Variants in DOT1L observed in about 807,000 individuals in gnomAD.
The protein encoded by DOT1L is DOT1 like histone lysine methyltransferase, also known as histone-lysine N-methyltransferase, H3 lysine-79 specific.
Under a neutral mutation model 153.3 loss-of-function variants are expected in DOT1L, and 33 were observed. The observed-to-expected ratio is 0.22, with a 90% CI of 0.16 to 0.29. The LOEUF (loss-of-function observed/expected upper bound fraction) is 0.29. Among genes scored for constraint, DOT1L ranks in the 10% least tolerant of loss-of-function variants. DOT1L has a pLI of 1.00. For synonymous variants in DOT1L, 1,135 were observed against 965.1 expected (o/e 1.18, Z -3.26); for missense variants, 1,847 against 2,119.9 (o/e 0.87, Z 2.53).
chr19:2,218,028 G>T (rs749502319), intron 22 of DOT1L, 110 bp downstream of exon 22: 2 of 1,446,670 alleles, frequency 1.4e-6, no homozygotes, highest in Non-Finnish European at 9.2e-7. Flanking sequence ...AATGTCGAGC[G>T]TGAGGCAATG....
At position 2,230,633 on chromosome 19, in the gene DOT1L, C is replaced by G. The variant is rs1420220371; in HGVS notation, c.*841C>G. On this transcript the variant is annotated 3_prime_UTR_variant, in exon 28 of 28. Transcript: ENST00000398665. ...TGTTTCTGTACAGGAGAGAGTCACA[C>G]TAATGAGTGGCAGTATTTTATAGAG... 5 of 398,484 alleles carry G rather than the reference C, an allele frequency of 1.3e-5. No individual in the cohort carries two copies. Among genetic ancestry groups the G allele is most frequent in the African/African-American group, 2.1e-5 (1 of 48,628 alleles). 24.7% of individuals were successfully genotyped at this position (398,484 alleles called of 1,614,324 possible).
At chr19:2,229,485 C>T in intron 27 of DOT1L, 1 of 985,484 alleles carries the variant, frequency 1.0e-6, no homozygotes, top group Non-Finnish European at 1.2e-6. Flanking sequence ...ACAAGCTATG[C>T]TGGGTCTCTT....
At chr19:2,187,888 C>G (rs995096144) in intron 3 of DOT1L, among the ~76,000 whole-genome samples, 1 of 149,260 alleles carries the variant, frequency 6.7e-6, no homozygotes, top group Non-Finnish European at 1.5e-5. Context: ...CGCCACCGCA[C>G]TCCAGCCTGG....
intron 12 of DOT1L, 35 bp downstream of exon 12, chr19:2,209,011 C>T: frequency 6.2e-7 from 1 of 1,605,196 alleles, no homozygotes; most frequent in Non-Finnish European, 8.5e-7. Context: ...GGGTTAATAA[C>T]ACGCATGCAC....
chr19:2,231,419 G>A lies in DOT1L; in HGVS notation c.*1627G>A, dbSNP rs1271077729. ...CCACGGAGGAAAGGCTTCTGTGGTT[G>A]CTAGGTGGGGGAGTCCTGTGTGGGA... On this transcript the variant is annotated 3_prime_UTR_variant, in exon 28 of 28. Transcript: ENST00000398665. 1 of 204,704 alleles carries A rather than the reference G, an allele frequency of 4.9e-6. No homozygotes were observed. The highest frequency in any genetic ancestry group is 7.4e-5 in the East Asian group (1 of 13,524). 12.7% of individuals were successfully genotyped at this position (204,704 alleles called of 1,614,324 possible).
At position 2,210,020 on chromosome 19, in the gene DOT1L, A is replaced by G. The variant is rs528563860; in HGVS notation, c.1006-380A>G. Reference sequence around the variant, plus strand: ...CATGTGTGGGCCTCGGTGCCTTTCGAAGAGAGGAGAGAGGGCAGGGGAGGC... The same window carrying G: ...CATGTGTGGGCCTCGGTGCCTTTCGGAGAGAGGAGAGAGGGCAGGGGAGGC... On this transcript the variant is annotated intron_variant, in intron 12 of 27. Transcript: ENST00000398665. 4.7e-3 allele frequency among the ~76,000 whole-genome samples: 703 copies of G among 149,964 alleles called. 7 individuals carry two copies. The highest frequency in any genetic ancestry group is 0.021 in the Middle Eastern group (6 of 292).
rs1014225291 is a variant in DOT1L, at chr19:2,222,862, G to A, written c.3390+303G>A. On this transcript the variant is annotated intron_variant, in intron 24 of 27. Transcript: ENST00000398665. The surrounding 1 kb of genome is among the most constrained non-coding windows in gnomAD (Gnocchi z 6.5). ...TCGGCCACTGCCTGGGCCACAGAGCGAGACTCCCTCTCGGGGGGACAAAAA... is the reference window on the plus strand; with the variant it reads ...TCGGCCACTGCCTGGGCCACAGAGCAAGACTCCCTCTCGGGGGGACAAAAA... 51 of 420,248 alleles carry A rather than the reference G, an allele frequency of 1.2e-4. No individual in the cohort carries two copies. Among genetic ancestry groups the A allele is most frequent in the Admixed American group, 6.5e-4 (16 of 24,576 alleles). The allele number at this position is 420,248 out of a possible 1,614,324, so 26.0% of individuals were successfully genotyped here. A position where few individuals can be genotyped will look rare whatever the true frequency, so the allele number is the denominator to read the frequency against.
intron 1 of DOT1L, among the ~76,000 whole-genome samples, chr19:2,166,631 G>A (rs542229568): frequency 2.6e-5 from 4 of 151,968 alleles, no homozygotes; most frequent in Non-Finnish European, 2.9e-5. Context: ...GGCTGGTCTC[G>A]AACTCCTAAC....
Position 2,229,963 on chromosome 19 carries a change from C to T in DOT1L, c.*171C>T, listed in dbSNP as rs1283353203. 5 of 998,194 alleles carry T rather than the reference C, an allele frequency of 5.0e-6. No individual in the cohort carries two copies. Among genetic ancestry groups the T allele is most frequent in the Non-Finnish European group, 6.0e-6 (4 of 666,648 alleles). The allele number at this position is 998,194 out of a possible 1,614,324, so 61.8% of individuals were successfully genotyped here. A position where few individuals can be genotyped will look rare whatever the true frequency, so the allele number is the denominator to read the frequency against. On this transcript the variant is annotated 3_prime_UTR_variant, in exon 28 of 28. Coordinates refer to ENST00000398665, the MANE Select transcript of DOT1L (RefSeq NM_032482.3). ...GCGCCGCAGGAGGCTGGGACTGGTCCAGTTTGTACTGTCGATAGTTTTAGA... is the reference window on the plus strand; with the variant it reads ...GCGCCGCAGGAGGCTGGGACTGGTCTAGTTTGTACTGTCGATAGTTTTAGA...
At chr19:2,211,253 G>C in intron 15 of DOT1L, 41 bp downstream of exon 15, 1 of 1,536,484 alleles carries the variant, frequency 6.5e-7, no homozygotes. Flanking sequence ...TTCTGGGCTT[G>C]GGGTCATCCC....
At position 2,216,635 on chromosome 19, in the gene DOT1L, C is replaced by T; in HGVS notation, c.2278C>T (p.Leu760=). 6.2e-7 allele frequency: 1 copy of T among 1,605,778 alleles called. No individual in the cohort carries two copies. The highest frequency in any genetic ancestry group is 8.5e-7 in the Non-Finnish European group (1 of 1,179,916). Residue 760 remains leucine (L), a synonymous_variant, in exon 20 of 28, where the codon CTG becomes TTG. Transcript: ENST00000398665. ...CCCTAGCCACGTCGGCCGGCCGCGC[C>T]TGGAGAAGCTGTCTGGCCTAGCCGC... ...CTPSHVGRPR[L]EKLSGLAAPD...
intron 1 of DOT1L, among the ~76,000 whole-genome samples, chr19:2,168,049 A>T (rs962754502): frequency 1.3e-5 from 2 of 152,174 alleles, no homozygotes; most frequent in Non-Finnish European, 2.9e-5. Context: ...CTGCAGCAGC[A>T]CATTTATTCA....
chr19:2,214,939 G>A (rs1252989572), intron 19 of DOT1L, among the ~76,000 whole-genome samples: 2 of 152,200 alleles, frequency 1.3e-5, no homozygotes, highest in African/African-American at 2.4e-5. Context: ...CAGCTGGATC[G>A]GTGCAGGGGC....
At chr19:2,173,335 G>A (rs114497906) in intron 1 of DOT1L, among the ~76,000 whole-genome samples, 184 of 152,284 alleles carry the variant, frequency 1.2e-3, no homozygotes, top group African/African-American at 3.9e-3. Flanking sequence ...TGGTCAGCGC[G>A]TCCAGCCTCC....
rs2024644974 is a variant in DOT1L at position 2,232,401 on chromosome 19, G to T, written c.*2609G>T. 4.5e-6 allele frequency: 1 copy of T among 220,330 alleles called. No homozygotes were observed. The highest frequency in any genetic ancestry group is 5.8e-5 in the Admixed American group (1 of 17,226). The allele number at this position is 220,330 out of a possible 1,614,324, so 13.6% of individuals were successfully genotyped here. ...CCCCTCCCAACACAACACGCTGCTG[G>T]TCTGTGTCAGCCTTTGTAACGTGGG... On this transcript the variant is annotated 3_prime_UTR_variant, in exon 28 of 28. Coordinates refer to ENST00000398665, the MANE Select transcript of DOT1L (RefSeq NM_032482.3).
intron 8 of DOT1L, 34 bp downstream of exon 8, chr19:2,199,973 G>T (rs1335140419): frequency 1.2e-6 from 2 of 1,610,024 alleles, no homozygotes; most frequent in Non-Finnish European, 1.7e-6. Flanking sequence ...GGGCATGTGG[G>T]GTGTGCGCTC....
At chr19:2,173,495 C>T (rs777543969) in intron 1 of DOT1L, among the ~76,000 whole-genome samples, 41 of 152,180 alleles carry the variant, frequency 2.7e-4, no homozygotes, top group Non-Finnish European at 4.7e-4. Context: ...AGGGCGTCCT[C>T]GGGGAGCAGG....
At chr19:2,173,071 A>G (rs567636002) in intron 1 of DOT1L, among the ~76,000 whole-genome samples, 2 of 152,160 alleles carry the variant, frequency 1.3e-5, no homozygotes, top group East Asian at 3.9e-4. Flanking sequence ...GTCTAATTCC[A>G]GAACGTTCTA....
intron 27 of DOT1L, chr19:2,228,027 A>T (rs868080309): frequency 7.7e-7 from 1 of 1,293,310 alleles, no homozygotes; most frequent in Middle Eastern, 2.1e-4. Flanking sequence ...TCCTCCCCCA[A>T]CGCTGCTGGC....
Sources: gnomAD v4.1 joint callset for allele counts (sites outside exome capture counted in the v4.1 genomes callset) on GRCh38, gnomAD v4.1.1 for gene constraint, Gnocchi (gnomAD v3.1) non-coding constraint, MANE v1.5 for transcripts, NCBI Gene and HGNC (gene_info 2026-07-23, HGNC 2026-07-21) for gene names.